GALNTL6: variants seen among roughly 807,000 people sequenced by gnomAD.
GALNTL6 encodes the protein polypeptide N-acetylgalactosaminyltransferase-like 6.
In GALNTL6, 46 loss-of-function variants were observed where a neutral mutation model predicts 73.7. The ratio of observed to expected loss-of-function variants is 0.62; its 90% CI spans 0.49 to 0.80. The LOEUF is 0.80. Ranked by LOEUF, GALNTL6 falls within the 30% of genes least tolerant of loss-of-function variation. The pLI is 0.00. For missense variants in GALNTL6, 604 were observed against 755.0 expected (o/e 0.80, Z 2.34); for synonymous variants, 259 against 263.7 (o/e 0.98, Z 0.17).
At chr4:172,730,433 T>A (rs574651288) in intron 5 of GALNTL6, among the ~76,000 whole-genome samples, 1 of 152,348 alleles carries the variant, frequency 6.6e-6, no homozygotes, top group Admixed American at 6.5e-5. Context: ...AAGGGTTTTT[T>A]AATAAAGGGA....
At chr4:172,225,562 GA>G (rs1289194378) in intron 2 of GALNTL6, among the ~76,000 whole-genome samples, 1 of 151,788 alleles carries the variant, frequency 6.6e-6, no homozygotes, top group Non-Finnish European at 1.5e-5. Flanking sequence ...TGATTTACTA[GA>G]CCTGAGCTGG....
intron 5 of GALNTL6, among the ~76,000 whole-genome samples, chr4:172,376,745 A>C (rs1316691841): frequency 1.3e-5 from 2 of 152,190 alleles, no homozygotes; most frequent in Non-Finnish European, 2.9e-5. Flanking sequence ...GATAGGCAAT[A>C]GTCTCTTCGT....
chr4:173,005,364 G>T lies in GALNTL6; in HGVS notation c.1372-3814G>T, dbSNP rs144969510. Among the ~76,000 whole-genome samples, 45 of 152,170 alleles carry T rather than the reference G, an allele frequency of 3.0e-4. No individual in the cohort carries two copies. The East Asian group carries it at 8.5e-3, about 29-fold the overall frequency. On this transcript the variant is annotated intron_variant, in intron 10 of 12. Coordinates refer to ENST00000506823, the MANE Select transcript of GALNTL6 (RefSeq NM_001034845.3). ...TCAAGCCCTGAAACTGGGCATCAAA[G>T]GAATAAGGCCTGAAAATGATTGATT...
intron 5 of GALNTL6, among the ~76,000 whole-genome samples, chr4:172,782,234 A>G (rs1739406931): frequency 1.3e-5 from 2 of 152,196 alleles, no homozygotes; most frequent in South Asian, 4.1e-4. Context: ...GCACAAATAT[A>G]TGCATAAGCA....
intron 8 of GALNTL6, among the ~76,000 whole-genome samples, chr4:172,898,838 A>G (rs184150838): frequency 1.2e-4 from 19 of 152,354 alleles, no homozygotes; most frequent in Non-Finnish European, 2.5e-4. Context: ...AAGTCAAATC[A>G]GTAGTCAGAC....
At chr4:172,768,819 G>T (rs969067960) in intron 5 of GALNTL6, among the ~76,000 whole-genome samples, 5 of 152,010 alleles carry the variant, frequency 3.3e-5, no homozygotes. Flanking sequence ...CTTATCAGCT[G>T]TTTATGCAGC....
chr4:172,626,494 T>C (rs914522134), intron 5 of GALNTL6, among the ~76,000 whole-genome samples: 5 of 152,110 alleles, frequency 3.3e-5, no homozygotes, highest in Admixed American at 3.3e-4. Flanking sequence ...GCTCTTCAGG[T>C]CTTTTTTTGG....
chr4:172,268,355 A>G (rs760096522), intron 3 of GALNTL6, among the ~76,000 whole-genome samples: 37 of 152,188 alleles, frequency 2.4e-4, no homozygotes, highest in Admixed American at 6.6e-4. Flanking sequence ...GGAAGAGCAG[A>G]AAGTTGGGCT....
At chr4:172,174,241 G>A (rs1398423631) in intron 2 of GALNTL6, among the ~76,000 whole-genome samples, 1 of 152,058 alleles carries the variant, frequency 6.6e-6, no homozygotes, top group Non-Finnish European at 1.5e-5. Context: ...ATAATCAGAA[G>A]GTACCATGCT....
chr4:172,404,012 C>A (rs1430926365), intron 5 of GALNTL6, among the ~76,000 whole-genome samples: 4 of 151,892 alleles, frequency 2.6e-5, no homozygotes, highest in African/African-American at 7.2e-5. Context: ...GGAATTAATT[C>A]TTTTACAAAT....
At chr4:172,286,706 G>C (rs1042507226) in intron 3 of GALNTL6, among the ~76,000 whole-genome samples, 10 of 152,098 alleles carry the variant, frequency 6.6e-5, no homozygotes, top group African/African-American at 2.4e-4. Context: ...ATGGTGGTTG[G>C]GGGAGGACGG....
At chr4:172,958,189 G>A (rs1749851940) in intron 10 of GALNTL6, among the ~76,000 whole-genome samples, 1 of 152,214 alleles carries the variant, frequency 6.6e-6, no homozygotes, top group South Asian at 2.1e-4. Flanking sequence ...AATGAGTTGA[G>A]CATAGTTTGT....
intron 5 of GALNTL6, among the ~76,000 whole-genome samples, chr4:172,457,890 C>G (rs568199472): frequency 7.0e-4 from 106 of 152,286 alleles, no homozygotes; most frequent in African/African-American, 2.4e-3. Flanking sequence ...CTCTCCACCC[C>G]AAATCAACAG....
At chr4:172,458,734 C>T (rs1174184824) in intron 5 of GALNTL6, among the ~76,000 whole-genome samples, 1 of 152,152 alleles carries the variant, frequency 6.6e-6, no homozygotes, top group Admixed American at 6.5e-5. Context: ...AGCCTACCAA[C>T]TAATAAAAGC....
intron 3 of GALNTL6, among the ~76,000 whole-genome samples, chr4:172,271,744 A>G (rs1478465508): frequency 6.6e-6 from 1 of 152,080 alleles, no homozygotes. Flanking sequence ...ATATATGCAC[A>G]TGCATAAACA....
chr4:172,896,976 C>T (rs1011358697), intron 8 of GALNTL6, among the ~76,000 whole-genome samples: 1 of 152,162 alleles, frequency 6.6e-6, no homozygotes, highest in Non-Finnish European at 1.5e-5. Context: ...AGATAATTCC[C>T]CAACTGCAGC....
chr4:172,381,157 T>C (rs955336438), intron 5 of GALNTL6, among the ~76,000 whole-genome samples: 1 of 152,242 alleles, frequency 6.6e-6, no homozygotes, highest in Non-Finnish European at 1.5e-5. Flanking sequence ...TATTTGTTAT[T>C]TTCTGTCAGA....
At chr4:172,929,280 A>G (rs1748209678) in intron 8 of GALNTL6, among the ~76,000 whole-genome samples, 1 of 152,156 alleles carries the variant, frequency 6.6e-6, no homozygotes, top group Admixed American at 6.5e-5. Flanking sequence ...CTTAATCACC[A>G]TTTGTTCAAC....
chr4:172,158,967 T>C (rs1579196137), intron 2 of GALNTL6, among the ~76,000 whole-genome samples: 1 of 152,336 alleles, frequency 6.6e-6, no homozygotes, highest in Admixed American at 6.5e-5. Context: ...CAAGTAGTTG[T>C]TTTAAAACAA....
Sources: allele counts gnomAD v4.1 joint callset (sites outside exome capture counted in the v4.1 genomes callset), GRCh38; gene constraint gnomAD v4.1.1; transcripts MANE v1.5; gene names NCBI Gene and HGNC (gene_info 2026-07-23, HGNC 2026-07-21).